Variants in STMN3 observed in about 807,000 individuals in gnomAD.
The protein encoded by STMN3 is stathmin 3.
In STMN3, 24 loss-of-function variants were observed where a neutral mutation model predicts 23.2. The observed-to-expected ratio is 1.03, with a 90% CI of 0.75 to 1.45. The LOEUF is 1.45. Among genes scored for constraint, STMN3 ranks in the 40% most tolerant of loss-of-function variants. The pLI, the probability that STMN3 is intolerant of heterozygous loss-of-function variation, is 0.00. For missense variants in STMN3, 235 were observed against 237.6 expected, an observed-to-expected ratio of 0.99 and a Z score of 0.07; for synonymous variants, 117 against 103.4, an observed-to-expected ratio of 1.13 and a Z score of -0.80.
intron 1 of STMN3, among the ~76,000 whole-genome samples, chr20:63,644,628 TGTG>T (rs1204508755): frequency 6.6e-6 from 1 of 152,234 alleles, no homozygotes; most frequent in African/African-American, 2.4e-5. Context: ...TCCTGCCTGC[TGTG>T]GTCTGAATGT....
At chr20:63,644,091 C>T in intron 2 of STMN3, 123 bp downstream of exon 2, 1 of 1,312,992 alleles carries the variant, frequency 7.6e-7, no homozygotes, top group Admixed American at 2.2e-5. Flanking sequence ...GGGCCCCTTC[C>T]CCCTAGAACC....
Position 63,643,879 on chromosome 20 carries a change from G to T in STMN3, c.168C>A (p.Val56=), listed in dbSNP as rs2089788518. 1 of 1,593,788 alleles carries T rather than the reference G, an allele frequency of 6.3e-7. No homozygotes were observed. The highest frequency in any genetic ancestry group is 8.5e-7 in the Non-Finnish European group (1 of 1,174,834). ...DKRASGQSFE[V]ILKSPSDLSP... is the part of the protein sequence containing the mutation. ...ACAGGTCAGAAGGGGACTTGAGGATGACCTCGAAGCTCTGGCCTGAGGCCC... is the reference window on the plus strand; with the variant it reads ...ACAGGTCAGAAGGGGACTTGAGGATTACCTCGAAGCTCTGGCCTGAGGCCC... Residue 56 remains valine (V), a synonymous_variant, in exon 3 of 5, where the codon GTC becomes GTA. Coordinates refer to ENST00000370053, the MANE Select transcript of STMN3 (RefSeq NM_015894.4).
At chr20:63,646,060 T>C (rs923372088) in intron 1 of STMN3, among the ~76,000 whole-genome samples, 1 of 151,870 alleles carries the variant, frequency 6.6e-6, no homozygotes, top group Non-Finnish European at 1.5e-5. Flanking sequence ...ATCAAGCCTT[T>C]CATGGTGAGC....
chr20:63,647,973 T>TATATACAC (rs1569070350), intron 1 of STMN3, among the ~76,000 whole-genome samples: 1 of 81,816 alleles, frequency 1.2e-5, no homozygotes, highest in Admixed American at 1.4e-4. Context: ...TATATATATA[T>TATATACAC]ATATATACAT....
chr20:63,648,917 C>T (rs999499052), intron 1 of STMN3, among the ~76,000 whole-genome samples: 7 of 152,014 alleles, frequency 4.6e-5, no homozygotes, highest in Admixed American at 1.3e-4. Flanking sequence ...AGCAAGCAGA[C>T]GGCTGGCAGC....
chr20:63,644,273 G>T lies in STMN3; in HGVS notation c.56C>A (p.Ser19Ter). ...TGTGTAGAAGCAGGAGCAGATGAGC[G>T]ACAGCACCGACAGCTCCTTCATCTT... ...KEKMKELSVL[S>*]LICSCFYTQP... Residue 19 changes from serine to a stop codon, truncating the protein, a stop_gained, in exon 2 of 5, where the codon TCG (serine) becomes TAG (stop). Coordinates refer to ENST00000370053, the MANE Select transcript of STMN3 (RefSeq NM_015894.4). LOFTEE classifies it high-confidence loss of function. 1 of 1,613,632 alleles carries T rather than the reference G, an allele frequency of 6.2e-7. No individual in the cohort carries two copies. The highest frequency in any genetic ancestry group is 1.1e-5 in the South Asian group (1 of 91,034).
Position 63,653,198 on chromosome 20 carries a change from C to A in STMN3, c.19+129G>T, listed in dbSNP as rs1413743638. On this transcript the variant is annotated intron_variant, in intron 1 of 4. Coordinates refer to ENST00000370053, the MANE Select transcript of STMN3 (RefSeq NM_015894.4). ...ACCCCAGCCTCGGGCGGGTCGGGCC[C>A]AGGCTTGCAACGCGCAGGGTAGGAG... 5 of 1,250,514 alleles carry A rather than the reference C, an allele frequency of 4.0e-6. No homozygotes were observed. The African/African-American group carries it at 6.3e-5, about 16-fold the overall frequency. The allele number at this position is 1,250,514 out of a possible 1,614,324, so 77.5% of individuals were successfully genotyped here. A position where few individuals can be genotyped will look rare whatever the true frequency, so the allele number is the denominator to read the frequency against.
intron 1 of STMN3, among the ~76,000 whole-genome samples, chr20:63,647,008 TA>T (rs956987524): frequency 4.6e-5 from 7 of 150,990 alleles, no homozygotes; most frequent in African/African-American, 1.5e-4. Flanking sequence ...CACACCAGCT[TA>T]AAAAAAAGAA....
At chr20:63,641,545 C>A in intron 4 of STMN3, 148 bp from the exon 5 acceptor site, 1 of 633,420 alleles carries the variant, frequency 1.6e-6, no homozygotes, top group Non-Finnish European at 2.7e-6. Flanking sequence ...GTTGAGGGGG[C>A]GGGAGCACCG....
chr20:63,648,757 G>A (rs1417225398), intron 1 of STMN3, among the ~76,000 whole-genome samples: 2 of 151,824 alleles, frequency 1.3e-5, no homozygotes, highest in Non-Finnish European at 1.5e-5. Context: ...ACTGGAATGT[G>A]TTTACCATAA....
intron 4 of STMN3, 145 bp from the exon 5 acceptor site, chr20:63,641,542 G>A (rs2089762232): frequency 3.1e-6 from 2 of 641,630 alleles, no homozygotes; most frequent in Non-Finnish European, 5.4e-6. Context: ...TGAGTTGAGG[G>A]GGCGGGAGCA....
chr20:63,646,575 G>A (rs1332899298), intron 1 of STMN3, among the ~76,000 whole-genome samples: 3 of 151,602 alleles, frequency 2.0e-5, no homozygotes, highest in Admixed American at 1.3e-4. Flanking sequence ...GGATAGTCTC[G>A]ATCTCCTGAC....
intron 1 of STMN3, among the ~76,000 whole-genome samples, chr20:63,644,832 A>G (rs948290522): frequency 6.6e-6 from 1 of 152,178 alleles, no homozygotes; most frequent in African/African-American, 2.4e-5. Context: ...TCTATGTACC[A>G]GGAGGCGAGA....
At chr20:63,641,703 C>T (rs1452175346) in intron 4 of STMN3, among the ~76,000 whole-genome samples, 17 of 152,188 alleles carry the variant, frequency 1.1e-4, no homozygotes, top group Non-Finnish European at 2.1e-4. Context: ...TAGTTACTGT[C>T]CCGCCAGGAC....
At chr20:63,647,936 A>ATATGTGTG (rs1165301691) in intron 1 of STMN3, among the ~76,000 whole-genome samples, 19,594 of 79,796 alleles carry the variant, frequency 0.25, 3,925 homozygotes, top group Non-Finnish European at 0.33. Flanking sequence ...ATACGTATAT[A>ATATGTGTG]TGTGTGTGTG....
intron 1 of STMN3, among the ~76,000 whole-genome samples, chr20:63,647,851 T>C (rs1195554813): frequency 1.6e-5 from 2 of 123,008 alleles, no homozygotes; most frequent in Admixed American, 8.7e-5. Flanking sequence ...TATATATTAA[T>C]ATATATACGT....
In STMN3 at chr20:63,653,331, A is replaced by C. The variant is rs1015465646; in HGVS notation, c.15T>G (p.Ile5Met). Residue 5 changes from isoleucine (I) to methionine (M), a missense_variant, in exon 1 of 5, where the codon ATT (isoleucine) becomes ATG (methionine). Physicochemically the swap from Ile to Met is conservative, Grantham distance 10. Transcript: ENST00000370053. MAST[I>M]SAYKEKMKEL... ...GCCCGTGGCCCCGGAGCCTACCGGAAATGGTGCTGGCCATGGTGCTGGCGG... is the reference window on the plus strand; with the variant it reads ...GCCCGTGGCCCCGGAGCCTACCGGACATGGTGCTGGCCATGGTGCTGGCGG... 8.4e-6 allele frequency: 13 copies of C among 1,545,228 alleles called. No homozygotes were observed. The African/African-American group carries it at 9.7e-5, about 12-fold the overall frequency.
At chr20:63,649,032 G>A (rs1470197966) in intron 1 of STMN3, among the ~76,000 whole-genome samples, 1 of 152,144 alleles carries the variant, frequency 6.6e-6, no homozygotes, top group Non-Finnish European at 1.5e-5. Flanking sequence ...GGAGACACGT[G>A]TCCAACTGAG....
At chr20:63,643,288 T>C (rs979535257) in intron 3 of STMN3, among the ~76,000 whole-genome samples, 10 of 152,106 alleles carry the variant, frequency 6.6e-5, no homozygotes, top group Non-Finnish European at 1.0e-4. Context: ...TTTGTTCTTG[T>C]TTGTTTTTTG....
Sources: gnomAD v4.1 joint callset for allele counts (sites outside exome capture counted in the v4.1 genomes callset) on GRCh38, gnomAD v4.1.1 for gene constraint, MANE v1.5 for transcripts, NCBI Gene and HGNC (gene_info 2026-07-23, HGNC 2026-07-21) for gene names.